The following AK9 variants were observed in gnomAD, a reference collection of about 807,000 sequenced individuals.
AK9 encodes the protein adenylate kinase domain containing 1.
In AK9, 191 loss-of-function variants were observed where a neutral mutation model predicts 239.6. The ratio of observed to expected loss-of-function variants is 0.80; its 90% CI spans 0.71 to 0.90. The LOEUF (loss-of-function observed/expected upper bound fraction) is 0.90, where lower values mean the gene tolerates loss of function less well. Among genes scored for constraint, AK9 ranks in the 40% least tolerant of loss-of-function variants. The pLI is 0.00. For missense variants in AK9, 1,995 were observed against 2,214.7 expected, an observed-to-expected ratio of 0.90 and a Z score of 1.99; for synonymous variants, 689 against 721.0, an observed-to-expected ratio of 0.96 and a Z score of 0.71.
At chr6:109,534,796 C>T (rs1246702753) in intron 27 of AK9, among the ~76,000 whole-genome samples, 1 of 152,044 alleles carries the variant, frequency 6.6e-6, no homozygotes, top group Non-Finnish European at 1.5e-5. Context: ...TGATACTCCC[C>T]TTCCTGTGTC....
intron 35 of AK9, among the ~76,000 whole-genome samples, chr6:109,502,247 G>A (rs1288375098): frequency 1.3e-5 from 2 of 152,130 alleles, no homozygotes; most frequent in East Asian, 1.9e-4. Context: ...CCTGAATTAC[G>A]TTTCCCAAAA....
chr6:109,607,599 G>A (rs1284381748), intron 17 of AK9, among the ~76,000 whole-genome samples: 1 of 152,172 alleles, frequency 6.6e-6, no homozygotes, highest in Non-Finnish European at 1.5e-5. Context: ...TCTGGTATCT[G>A]TGAGGGTCAT....
Position 109,644,596 on chromosome 6 carries a change from G to A in AK9, c.834+18C>T. The stretch of plus-strand genomic sequence containing the variant: ...ATTTTCCATGCTGTGAAGTATTCCT[G>A]CTTAACACTGCACTCACCATAAAGA... On this transcript the variant is annotated intron_variant, in intron 9 of 40. Coordinates refer to ENST00000424296, the MANE Select transcript of AK9 (RefSeq NM_001145128.3). 6.3e-7 allele frequency: 1 copy of A among 1,587,540 alleles called. No individual in the cohort carries two copies. The highest frequency in any genetic ancestry group is 1.7e-4 in the Middle Eastern group (1 of 5,974).
At chr6:109,640,876 A>T (rs1050116473) in intron 10 of AK9, among the ~76,000 whole-genome samples, 1 of 152,148 alleles carries the variant, frequency 6.6e-6, no homozygotes, top group African/African-American at 2.4e-5. Context: ...TAGTTACTCA[A>T]AAAAATTGGT....
chr6:109,677,386 G>C (rs1771911322), intron 1 of AK9, among the ~76,000 whole-genome samples: 2 of 152,096 alleles, frequency 1.3e-5, no homozygotes, highest in Admixed American at 1.3e-4. Context: ...ATGTGCATTA[G>C]TGATATATCA....
intron 6 of AK9, among the ~76,000 whole-genome samples, chr6:109,660,306 T>C (rs1260882666): frequency 6.6e-6 from 1 of 152,198 alleles, no homozygotes; most frequent in Non-Finnish European, 1.5e-5. Context: ...TTCTGACATA[T>C]GAGCATGTAA....
intron 17 of AK9, among the ~76,000 whole-genome samples, chr6:109,588,981 T>G (rs1196723796): frequency 6.6e-6 from 1 of 152,218 alleles, no homozygotes; most frequent in Non-Finnish European, 1.5e-5. Context: ...TACTATAGCC[T>G]TGTAGTATAA....
At chr6:109,564,656 A>G in intron 22 of AK9, 100 bp downstream of exon 22, 1 of 832,804 alleles carries the variant, frequency 1.2e-6, no homozygotes, top group East Asian at 2.8e-5. Flanking sequence ...ATAGAAAGAA[A>G]TAAGTATGAC....
chr6:109,507,232 CTT>C (rs1349743646), intron 33 of AK9, among the ~76,000 whole-genome samples: 1 of 152,006 alleles, frequency 6.6e-6, no homozygotes, highest in Non-Finnish European at 1.5e-5. Context: ...ATGTTTAACT[CTT>C]AGAGTTGTTT....
chr6:109,616,544 ATT>A (rs34287506), intron 13 of AK9, among the ~76,000 whole-genome samples: 27 of 149,220 alleles, frequency 1.8e-4, no homozygotes, highest in East Asian at 3.9e-4. Context: ...CACCCAACTA[ATT>A]TTTTTTTTTT....
intron 17 of AK9, among the ~76,000 whole-genome samples, chr6:109,598,989 G>GGT (rs1277117750): frequency 6.6e-6 from 1 of 151,180 alleles, no homozygotes; most frequent in Non-Finnish European, 1.5e-5. Flanking sequence ...TTGTCAGATG[G>GGT]GTAGATTGCA....
At chr6:109,612,138 A>T in intron 15 of AK9, 45 bp from the exon 16 acceptor site, 1 of 1,275,942 alleles carries the variant, frequency 7.8e-7, no homozygotes, top group Non-Finnish European at 1.1e-6. Context: ...GTATTAAAAA[A>T]AATGTAGGTG....
At chr6:109,597,136 T>C (rs2128224419) in intron 17 of AK9, among the ~76,000 whole-genome samples, 1 of 152,292 alleles carries the variant, frequency 6.6e-6, no homozygotes, top group South Asian at 2.1e-4. Context: ...TCAGATTAGA[T>C]TCCTCACATG....
chr6:109,596,303 CA>C (rs1303223308), intron 17 of AK9, among the ~76,000 whole-genome samples: 4 of 152,168 alleles, frequency 2.6e-5, no homozygotes, highest in African/African-American at 9.7e-5. Context: ...CAATGGCAGG[CA>C]CCAGCACCAG....
intron 27 of AK9, among the ~76,000 whole-genome samples, chr6:109,537,659 T>C (rs906405667): frequency 6.6e-6 from 1 of 151,882 alleles, no homozygotes; most frequent in East Asian, 1.9e-4. Flanking sequence ...TTTCAATGTG[T>C]TTGCTCTTGC....
intron 20 of AK9, chr6:109,579,296 A>G (rs1788518975): frequency 2.6e-6 from 1 of 377,602 alleles, no homozygotes; most frequent in South Asian, 5.0e-5. Context: ...CAGAGGGTGT[A>G]TGAGTAGGTA....
At chr6:109,569,478 C>T (rs1267339954) in intron 21 of AK9, among the ~76,000 whole-genome samples, 1 of 152,192 alleles carries the variant, frequency 6.6e-6, no homozygotes, top group Non-Finnish European at 1.5e-5. Context: ...AAACTACCAT[C>T]AGAGTGAACA....
intron 20 of AK9, among the ~76,000 whole-genome samples, chr6:109,576,419 A>ATTTTTTTT (rs1788082297): frequency 5.4e-4 from 20 of 36,814 alleles, no homozygotes; most frequent in East Asian, 3.0e-3. Flanking sequence ...ACATATATAT[A>ATTTTTTTT]CTTTTTTTTT....
intron 8 of AK9, among the ~76,000 whole-genome samples, chr6:109,648,597 C>T (rs977945515): frequency 2.6e-5 from 4 of 152,104 alleles, no homozygotes; most frequent in African/African-American, 4.8e-5. Flanking sequence ...ACGCAATAAT[C>T]AATAGCTTAC....
Sources: allele counts gnomAD v4.1 joint callset (sites outside exome capture counted in the v4.1 genomes callset), GRCh38; gene constraint gnomAD v4.1.1; transcripts MANE v1.5; gene names NCBI Gene and HGNC (gene_info 2026-07-23, HGNC 2026-07-21).